Variants in RBFOX1 observed in about 807,000 individuals in gnomAD.
RBFOX1 encodes RNA binding fox-1 homolog 1.
In RBFOX1, 8 loss-of-function variants were observed where a neutral mutation model predicts 57.7. That is an observed-to-expected ratio of 0.14 (90% CI 0.08 to 0.25). RBFOX1 has a LOEUF of 0.25. Ranked by LOEUF, RBFOX1 falls within the 10% of genes least tolerant of loss-of-function variation. The pLI is 1.00. For synonymous variants in RBFOX1, 326 were observed against 222.4 expected, an observed-to-expected ratio of 1.47 and a Z score of -4.15; for missense variants, 611 against 548.5, an observed-to-expected ratio of 1.11 and a Z score of -1.14.
At chr16:5,719,969 A>T (rs778417829) in intron 3 of RBFOX1, among the ~76,000 whole-genome samples, 17 of 151,366 alleles carry the variant, frequency 1.1e-4, no homozygotes, top group African/African-American at 4.1e-4. Flanking sequence ...CCCCGCCCCC[A>T]TGATTTGAGG....
At chr16:7,619,448 G>T (rs1222395016) in intron 10 of RBFOX1, among the ~76,000 whole-genome samples, 1 of 152,106 alleles carries the variant, frequency 6.6e-6, no homozygotes, top group Admixed American at 6.5e-5. Flanking sequence ...GAGATTGAAA[G>T]GTGACGTGTA....
At chr16:7,212,172 T>C (rs2091269146) in intron 4 of RBFOX1, among the ~76,000 whole-genome samples, 1 of 152,122 alleles carries the variant, frequency 6.6e-6, no homozygotes, top group South Asian at 2.1e-4. Flanking sequence ...GAGGACTGCT[T>C]GGGGCAGACT....
chr16:6,409,752 T>A (rs1393235915), intron 2 of RBFOX1, among the ~76,000 whole-genome samples: 1 of 152,216 alleles, frequency 6.6e-6, no homozygotes, highest in South Asian at 2.1e-4. Flanking sequence ...AAATTTATAT[T>A]CTTCCGAAGC....
At chr16:7,689,212 C>A (rs140864201) in intron 14 of RBFOX1, among the ~76,000 whole-genome samples, 339 of 152,260 alleles carry the variant, frequency 2.2e-3, no homozygotes, top group Non-Finnish European at 3.9e-3. Context: ...TGAGCCAAGA[C>A]AAACACAGCC....
chr16:6,557,054 T>C (rs949773184), intron 2 of RBFOX1, among the ~76,000 whole-genome samples: 15 of 140,556 alleles, frequency 1.1e-4, no homozygotes, highest in Admixed American at 5.8e-4. Flanking sequence ...TACATATATA[T>C]ACATATATAC....
intron 11 of RBFOX1, among the ~76,000 whole-genome samples, chr16:7,641,422 A>G (rs2143311800): frequency 6.6e-6 from 1 of 152,348 alleles, no homozygotes; most frequent in South Asian, 2.1e-4. Context: ...AAAGCTATTT[A>G]TCCCTAATGG....
chr16:6,655,061 A>G (rs2098637469), intron 3 of RBFOX1, among the ~76,000 whole-genome samples: 1 of 151,886 alleles, frequency 6.6e-6, no homozygotes, highest in Non-Finnish European at 1.5e-5. Context: ...GTCCCTATAT[A>G]TCTGACTCAT....
intron 4 of RBFOX1, among the ~76,000 whole-genome samples, chr16:7,449,991 A>C (rs1411281580): frequency 2.0e-5 from 3 of 151,550 alleles, no homozygotes; most frequent in African/African-American, 7.3e-5. Context: ...GGAGAAGGGC[A>C]CTCCGGGCCA....
chr16:6,955,474 T>C (rs1459442759), intron 3 of RBFOX1, among the ~76,000 whole-genome samples: 1 of 152,022 alleles, frequency 6.6e-6, no homozygotes, highest in African/African-American at 2.4e-5. Flanking sequence ...CTTAAAATGA[T>C]CACATTCAGG....
At chr16:6,758,044 C>T (rs1018746755) in intron 3 of RBFOX1, among the ~76,000 whole-genome samples, 1 of 152,084 alleles carries the variant, frequency 6.6e-6, no homozygotes. Flanking sequence ...GAAGTCAGTC[C>T]AAACTACTAT....
At chr16:7,142,200 G>A (rs867042277) in intron 4 of RBFOX1, among the ~76,000 whole-genome samples, 1 of 151,944 alleles carries the variant, frequency 6.6e-6, no homozygotes, top group Non-Finnish European at 1.5e-5. Context: ...ATTTCTGTAT[G>A]TTTTGTAAAG....
rs1410723197 is a variant in RBFOX1, at chr16:5,599,073, G to T, written c.430G>T (p.Asp144Tyr). 34 of 982,240 alleles carry T rather than the reference G, an allele frequency of 3.5e-5. No homozygotes were observed. In the Middle Eastern group the frequency reaches 8.1e-4, roughly 23 times the overall value. The allele number at this position is 982,240 out of a possible 1,614,324, so 60.8% of individuals were successfully genotyped here. A position where few individuals can be genotyped will look rare whatever the true frequency, so the allele number is the denominator to read the frequency against. Residue 144 changes from aspartate to tyrosine, a missense_variant, in exon 3 of 3, where the codon GAT becomes TAT. Coordinates refer to the RBFOX1 transcript ENST00000585867. ...CCGGGAATGGTTTTTACCTGAAACTGATCTTGCTGGAGAATTAACTGGGTT... is the reference window on the plus strand; with the variant it reads ...CCGGGAATGGTTTTTACCTGAAACTTATCTTGCTGGAGAATTAACTGGGTT...
intron 1 of RBFOX1, among the ~76,000 whole-genome samples, chr16:6,276,214 G>A (rs567869671): frequency 3.9e-5 from 6 of 152,288 alleles, no homozygotes; most frequent in Non-Finnish European, 5.9e-5. Context: ...TGTTACAGTC[G>A]TCAGAACTGT....
At chr16:5,567,392 T>C (rs1459260763) in intron 2 of RBFOX1, among the ~76,000 whole-genome samples, 2 of 152,130 alleles carry the variant, frequency 1.3e-5, no homozygotes. Flanking sequence ...CTCTTAAGTA[T>C]AGTAATAAGT....
intron 3 of RBFOX1, among the ~76,000 whole-genome samples, chr16:6,928,337 G>A (rs534792039): frequency 1.2e-3 from 177 of 152,232 alleles, no homozygotes; most frequent in South Asian, 5.8e-3. Context: ...AAGACGGGGC[G>A]GGGAAAGAAA....
chr16:6,134,875 A>C (rs376146545), intron 1 of RBFOX1, among the ~76,000 whole-genome samples: 44 of 151,966 alleles, frequency 2.9e-4, no homozygotes, highest in African/African-American at 1.0e-3. Context: ...TTTAAGTTCT[A>C]GGGTACATAT....
intron 2 of RBFOX1, among the ~76,000 whole-genome samples, chr16:5,525,414 A>C (rs984205636): frequency 2.7e-5 from 4 of 150,136 alleles, no homozygotes; most frequent in Admixed American, 2.0e-4. Flanking sequence ...AGAGAAGGTG[A>C]GTGGTTTATC....
intron 3 of RBFOX1, among the ~76,000 whole-genome samples, chr16:5,831,473 T>TTTTTTATTA (rs1555540197): frequency 5.7e-5 from 8 of 141,506 alleles, no homozygotes; most frequent in African/African-American, 2.1e-4. Flanking sequence ...TCTTTTCTCT[T>TTTTTTATTA]TTATTATTAT....
chr16:5,704,918 C>T (rs1466908376), intron 3 of RBFOX1, among the ~76,000 whole-genome samples: 1 of 152,116 alleles, frequency 6.6e-6, no homozygotes, highest in African/African-American at 2.4e-5. Flanking sequence ...TAACTACCCT[C>T]CTTCAACCAA....
Sources: gnomAD v4.1 joint callset for allele counts (sites outside exome capture counted in the v4.1 genomes callset) on GRCh38, gnomAD v4.1.1 for gene constraint, MANE v1.5 for transcripts, NCBI Gene and HGNC (gene_info 2026-07-23, HGNC 2026-07-21) for gene names.